Variants in PCCB observed in about 807,000 individuals in gnomAD.
PCCB encodes propionyl-CoA carboxylase beta chain, mitochondrial.
In PCCB, 43 loss-of-function variants were observed where a neutral mutation model predicts 60.7. That is an observed-to-expected ratio of 0.71 (90% confidence interval 0.55 to 0.91). The LOEUF is 0.91. Among genes scored for constraint, PCCB ranks in the 40% least tolerant of loss-of-function variants. The pLI is 0.00. For synonymous variants in PCCB, 276 were observed against 255.9 expected (o/e 1.08, Z -0.75); for missense variants, 766 against 702.8 (o/e 1.09, Z -1.02).
At chr3:136,276,654 G>A (rs1305579761) in intron 5 of PCCB, among the ~76,000 whole-genome samples, 3 of 152,160 alleles carry the variant, frequency 2.0e-5, no homozygotes, top group African/African-American at 7.2e-5. Context: ...CTGTCTATAG[G>A]TTCACCTTTG....
chr3:136,319,518 A>C (rs1202969049), intron 10 of PCCB, among the ~76,000 whole-genome samples: 3 of 151,758 alleles, frequency 2.0e-5, no homozygotes, highest in African/African-American at 7.3e-5. Flanking sequence ...TCACCTCAGC[A>C]TCCCAAATAG....
At chr3:136,268,524 C>A (rs1384799415) in intron 5 of PCCB, among the ~76,000 whole-genome samples, 1 of 148,860 alleles carries the variant, frequency 6.7e-6, no homozygotes, top group Non-Finnish European at 1.5e-5. Flanking sequence ...AGCACAGTGG[C>A]ATGATCTCAG....
intron 3 of PCCB, among the ~76,000 whole-genome samples, chr3:136,258,657 C>T (rs1321355049): frequency 6.6e-6 from 1 of 152,128 alleles, no homozygotes; most frequent in Non-Finnish European, 1.5e-5. Flanking sequence ...AGTGTATAGG[C>T]TCCTAATCTT....
chr3:136,323,846 CT>C (rs1935198448), intron 10 of PCCB, among the ~76,000 whole-genome samples: 1 of 149,002 alleles, frequency 6.7e-6, no homozygotes, highest in Non-Finnish European at 1.5e-5. Context: ...GTTTTATAGT[CT>C]TTTTCTAGTA....
intron 1 of PCCB, among the ~76,000 whole-genome samples, chr3:136,253,357 G>T (rs981071718): frequency 3.3e-5 from 5 of 151,768 alleles, no homozygotes; most frequent in Non-Finnish European, 4.4e-5. Context: ...CCAAAGTGTT[G>T]GGATTACAGG....
At position 136,260,529 on chromosome 3, in the gene PCCB, C is replaced by G; in HGVS notation, c.423C>G (p.Ile141Met). 1 of 1,612,170 alleles carries G rather than the reference C, an allele frequency of 6.2e-7. No individual in the cohort carries two copies. The highest frequency in any genetic ancestry group is 8.5e-7 in the Non-Finnish European group (1 of 1,178,324). The change falls in exon 4 of 15, where the codon ATC becomes ATG. Residue 141 changes from isoleucine (I) to methionine (M), a missense_variant. By Grantham distance (10) the Ile-to-Met change is conservative (BLOSUM62 1). Transcript: ENST00000251654. ...GSLSGAHAQK[I>M]CKIMDQAITV... Reference sequence around the variant, plus strand: ...TGTCAGGAGCACATGCCCAAAAGATCTGCAAAGTAAGTGTTTAATACTCAA... The same window carrying G: ...TGTCAGGAGCACATGCCCAAAAGATGTGCAAAGTAAGTGTTTAATACTCAA...
chr3:136,298,142 C>A, intron 8 of PCCB, 70 bp downstream of exon 8: 1 of 1,599,166 alleles, frequency 6.3e-7, no homozygotes, highest in Non-Finnish European at 8.6e-7. Flanking sequence ...CTGACAGGAC[C>A]CCCAGGGTCT....
At chr3:136,293,987 G>A in intron 7 of PCCB, 123 bp downstream of exon 7, 1 of 700,758 alleles carries the variant, frequency 1.4e-6, no homozygotes, top group Non-Finnish European at 2.6e-6. Context: ...GGAAGACTGT[G>A]GTACAGTCTA....
At chr3:136,309,858 C>T (rs1173392806) in intron 9 of PCCB, among the ~76,000 whole-genome samples, 1 of 151,500 alleles carries the variant, frequency 6.6e-6, no homozygotes, top group African/African-American at 2.4e-5. Flanking sequence ...TTGGAAAACA[C>T]AGTTTAACAG....
chr3:136,277,984 C>T (rs763789936), intron 5 of PCCB, among the ~76,000 whole-genome samples: 27 of 152,296 alleles, frequency 1.8e-4, no homozygotes, highest in Non-Finnish European at 3.5e-4. Context: ...AGGAGTTCAT[C>T]CTCACTCAGT....
At chr3:136,304,346 C>A (rs1934385006) in intron 9 of PCCB, among the ~76,000 whole-genome samples, 1 of 118,592 alleles carries the variant, frequency 8.4e-6, no homozygotes, top group Non-Finnish European at 1.9e-5. Context: ...GTAGAGATGG[C>A]AACTCACTAT....
intron 1 of PCCB, chr3:136,252,470 C>T (rs1411040153): frequency 1.1e-5 from 4 of 364,260 alleles, no homozygotes; most frequent in African/African-American, 8.7e-5. Context: ...TGGTCTTGAA[C>T]TCCTGACCTC....
intron 5 of PCCB, among the ~76,000 whole-genome samples, chr3:136,277,321 A>G (rs534764417): frequency 3.9e-5 from 6 of 152,292 alleles, no homozygotes; most frequent in African/African-American, 1.4e-4. Context: ...TATTCTACCT[A>G]GAGATGCTGT....
intron 12 of PCCB, 50 bp from the exon 13 acceptor site, chr3:136,327,584 A>G (rs1935369818): frequency 2.2e-6 from 3 of 1,394,970 alleles, no homozygotes; most frequent in Admixed American, 1.7e-5. Flanking sequence ...TTTCAGGGAC[A>G]TGATCTGGCT....
chr3:136,270,468 T>C (rs907962517), intron 5 of PCCB, among the ~76,000 whole-genome samples: 6 of 152,108 alleles, frequency 3.9e-5, no homozygotes, highest in African/African-American at 1.4e-4. Context: ...TCACACAAGT[T>C]ACATGAAGTG....
In PCCB at chr3:136,315,588, TG is replaced by T. The variant is rs759245530; in HGVS notation, c.967-1350del. 1.9e-4 allele frequency among the ~76,000 whole-genome samples: 29 copies of T among 152,114 alleles called. 1 individual carries two copies. The highest frequency in any genetic ancestry group is 6.8e-3 in the Middle Eastern group (2 of 294). On this transcript the variant is annotated intron_variant, in intron 9 of 14. Transcript: ENST00000251654. ...GCTCATGCCTGTAATCTCAGCACTT[TG>T]GGAGGCTGAGGCAGGTGGATTGCGT... is the stretch of plus-strand genomic sequence containing the variant.
chr3:136,269,697 A>T (rs934917797), intron 5 of PCCB, among the ~76,000 whole-genome samples: 2 of 152,092 alleles, frequency 1.3e-5, no homozygotes, highest in African/African-American at 4.8e-5. Context: ...CATCCTGGCT[A>T]ACACGGTGAA....
chr3:136,303,491 A>G (rs1934358574), intron 9 of PCCB, among the ~76,000 whole-genome samples: 1 of 122,164 alleles, frequency 8.2e-6, no homozygotes, highest in Admixed American at 9.8e-5. Context: ...TCTGTTTGCT[A>G]ATGTTTTGAG....
rs1217204517 is a variant in PCCB, at chr3:136,250,477, T to C, written c.102T>C (p.Ser34=). 1 of 1,612,234 alleles carries C rather than the reference T, an allele frequency of 6.2e-7. No individual in the cohort carries two copies. Among genetic ancestry groups the C allele is most frequent in the African/African-American group, 1.3e-5 (1 of 75,042 alleles). Residue 34 remains serine, a synonymous_variant, in exon 1 of 15, where the codon TCT becomes TCC. Coordinates refer to ENST00000251654, the MANE Select transcript of PCCB (RefSeq NM_000532.5). The stretch of plus-strand genomic sequence containing the variant: ...GCAGCCTTTGCAGCCAGGCCACCTC[T>C]GTTAACGAACGCATCGAAAACAAGC... ...AVRSLCSQAT[S]VNERIENKRR... is the part of the protein sequence containing the mutation.
Sources: gnomAD v4.1 joint callset for allele counts (sites outside exome capture counted in the v4.1 genomes callset) on GRCh38, gnomAD v4.1.1 for gene constraint, MANE v1.5 for transcripts, NCBI Gene and HGNC (gene_info 2026-07-23, HGNC 2026-07-21) for gene names.